SLCO3A1: variants seen among roughly 807,000 people sequenced by gnomAD.
SLCO3A1 encodes PGE1 transporter.
SLCO3A1 carries 27 observed loss-of-function variants against 63.1 expected under a neutral mutation model. The observed-to-expected ratio is 0.43, with a 90% CI of 0.32 to 0.59. The LOEUF (loss-of-function observed/expected upper bound fraction) is 0.59, where lower values mean the gene tolerates loss of function less well. SLCO3A1 is among the 20% of genes least tolerant of loss of function. SLCO3A1 has a pLI of 0.09. For synonymous variants in SLCO3A1, 473 were observed against 409.9 expected, an observed-to-expected ratio of 1.15 and a Z score of -1.86; for missense variants, 773 against 945.8, an observed-to-expected ratio of 0.82 and a Z score of 2.40.
In SLCO3A1 at chr15:91,856,880, C is replaced by A. The variant is rs1436535644; in HGVS notation, c.180+2792C>A. Among the ~76,000 whole-genome samples, 1 of 152,090 alleles carries A rather than the reference C, an allele frequency of 6.6e-6. No individual in the cohort carries two copies. The highest frequency in any genetic ancestry group is 1.5e-5 in the Non-Finnish European group (1 of 68,028). ...CCTTCTTATTTCATCTCCCCAGGTG[C>A]CTTAAAATATTGCAGTTTCATTTCC... On this transcript the variant is annotated intron_variant, in intron 1 of 9. Coordinates refer to ENST00000318445, the MANE Select transcript of SLCO3A1 (RefSeq NM_013272.4). This position sits in a 1 kb window ranked among gnomAD's most constrained non-coding sequence, Gnocchi z 4.9.
chr15:92,025,507 C>G (rs563413809), intron 2 of SLCO3A1, among the ~76,000 whole-genome samples: 354 of 152,322 alleles, frequency 2.3e-3, no homozygotes, highest in Middle Eastern at 0.01. Context: ...GGCTAGCAAA[C>G]ATATCAGTGG....
At chr15:91,993,173 C>T (rs990253018) in intron 2 of SLCO3A1, among the ~76,000 whole-genome samples, 1 of 152,186 alleles carries the variant, frequency 6.6e-6, no homozygotes, top group Non-Finnish European at 1.5e-5. Context: ...AAGGAGCTTG[C>T]CCACAATTGT....
At chr15:91,926,691 G>A (rs1279230827) in intron 2 of SLCO3A1, among the ~76,000 whole-genome samples, 2 of 151,940 alleles carry the variant, frequency 1.3e-5, no homozygotes, top group African/African-American at 2.4e-5. Flanking sequence ...CATCAAAATC[G>A]AGATGTATTT....
intron 6 of SLCO3A1, among the ~76,000 whole-genome samples, chr15:92,127,886 A>G (rs1048562127): frequency 2.2e-4 from 34 of 152,138 alleles, no homozygotes; most frequent in African/African-American, 8.2e-4. Context: ...CAGCCCAAAG[A>G]GGGAAGAAGT....
chr15:91,853,785 C>G lies in SLCO3A1; in HGVS notation c.-124C>G. 1 of 972,910 alleles carries G rather than the reference C, an allele frequency of 1.0e-6. No homozygotes were observed. The highest frequency in any genetic ancestry group is 1.2e-6 in the Non-Finnish European group (1 of 800,864). 60.3% of individuals were successfully genotyped at this position (972,910 alleles called of 1,614,324 possible). A position where few individuals can be genotyped will look rare whatever the true frequency, so the allele number is the denominator to read the frequency against. ...GCCCCGGCAGGACGGGGGCGGCCGC[C>G]GCGAACCCGGGGCGGGGACAGCACG... is the stretch of plus-strand genomic sequence containing the variant. On this transcript the variant is annotated 5_prime_UTR_variant, in exon 1 of 10. Transcript: ENST00000318445.
chr15:92,053,771 T>G (rs1032796836), intron 2 of SLCO3A1, among the ~76,000 whole-genome samples: 19 of 151,796 alleles, frequency 1.3e-4, no homozygotes, highest in African/African-American at 4.6e-4. Context: ...AGGTAAATTG[T>G]CATTCTCATC....
At chr15:92,084,701 C>T (rs2047384888) in intron 2 of SLCO3A1, among the ~76,000 whole-genome samples, 1 of 152,244 alleles carries the variant, frequency 6.6e-6, no homozygotes, top group Non-Finnish European at 1.5e-5. Context: ...CAGATGCCTG[C>T]AGCTCCTCGG....
At chr15:92,062,440 A>C (rs1256024101) in intron 2 of SLCO3A1, among the ~76,000 whole-genome samples, 1 of 152,132 alleles carries the variant, frequency 6.6e-6, no homozygotes. Context: ...CCATGTGGGA[A>C]GTGTGAATTG....
At chr15:92,117,501 T>C (rs1426551268) in intron 4 of SLCO3A1, among the ~76,000 whole-genome samples, 1 of 152,222 alleles carries the variant, frequency 6.6e-6, no homozygotes, top group Non-Finnish European at 1.5e-5. Flanking sequence ...TTTCCAGAAT[T>C]TAGATATCTT....
intron 2 of SLCO3A1, among the ~76,000 whole-genome samples, chr15:92,049,626 C>G (rs942556479): frequency 6.6e-6 from 1 of 152,158 alleles, no homozygotes; most frequent in Non-Finnish European, 1.5e-5. Context: ...GGAGCTAGAT[C>G]AGCCCCCCAG....
chr15:92,142,178 CT>C (rs2151582061), intron 7 of SLCO3A1, among the ~76,000 whole-genome samples: 1 of 152,358 alleles, frequency 6.6e-6, no homozygotes, highest in East Asian at 1.9e-4. Flanking sequence ...TTTCATTGGT[CT>C]TGTGCCGGTC....
chr15:92,164,974 G>GATTC lies in SLCO3A1; in HGVS notation c.*1839_*1840insATTC. 2.0e-6 allele frequency: 2 copies of GATTC among 985,140 alleles called. No homozygotes were observed. The highest frequency in any genetic ancestry group is 2.4e-6 in the Non-Finnish European group (2 of 829,900). The allele number at this position is 985,140 out of a possible 1,614,324, so 61.0% of individuals were successfully genotyped here. ...TGGAAAAAAAACTCAAAGGTTGATT[G>GATTC]GTTTGCTTTTTCACCTTGGACACAT... On this transcript the variant is annotated 3_prime_UTR_variant, in exon 10 of 10. Coordinates refer to ENST00000318445, the MANE Select transcript of SLCO3A1 (RefSeq NM_013272.4).
chr15:91,924,439 G>T (rs1898946775), intron 2 of SLCO3A1, among the ~76,000 whole-genome samples: 1 of 152,174 alleles, frequency 6.6e-6, no homozygotes, highest in Non-Finnish European at 1.5e-5. Flanking sequence ...ACGGTAGCTT[G>T]CCATGGTGGC....
rs1237544738 is a variant in SLCO3A1, at chr15:91,875,965, T to G, written c.180+21877T>G. Reference sequence around the variant, plus strand: ...AAGGTTTGCTACCCCTGCTCTAGAATCTTAAAGAATTCTTAGAGTTGTGGT... The same window carrying G: ...AAGGTTTGCTACCCCTGCTCTAGAAGCTTAAAGAATTCTTAGAGTTGTGGT... On this transcript the variant is annotated intron_variant, in intron 1 of 9. Coordinates refer to ENST00000318445, the MANE Select transcript of SLCO3A1 (RefSeq NM_013272.4). The surrounding 1 kb of genome is among the most constrained non-coding windows in gnomAD (Gnocchi z 4.5). Among the ~76,000 whole-genome samples, 1 of 152,154 alleles carries G rather than the reference T, an allele frequency of 6.6e-6. No individual in the cohort carries two copies. The highest frequency in any genetic ancestry group is 1.9e-4 in the East Asian group (1 of 5,192).
At chr15:92,148,223 A>G (rs962329474) in intron 8 of SLCO3A1, among the ~76,000 whole-genome samples, 14 of 152,196 alleles carry the variant, frequency 9.2e-5, no homozygotes, top group African/African-American at 3.1e-4. Context: ...GAGGGGAGAA[A>G]AGACAGACTT....
intron 2 of SLCO3A1, among the ~76,000 whole-genome samples, chr15:91,927,144 T>C (rs1899058842): frequency 6.6e-6 from 1 of 152,126 alleles, no homozygotes; most frequent in Non-Finnish European, 1.5e-5. Flanking sequence ...TCAGCGGCAT[T>C]GGAGACACCC....
chr15:92,108,020 G>A (rs1052324994), intron 4 of SLCO3A1, among the ~76,000 whole-genome samples: 3 of 152,286 alleles, frequency 2.0e-5, no homozygotes, highest in South Asian at 2.1e-4. Flanking sequence ...TCTGTGGTTC[G>A]ATTTTCAGAA....
chr15:92,090,989 G>T (rs1341822212), intron 2 of SLCO3A1, among the ~76,000 whole-genome samples: 1 of 152,198 alleles, frequency 6.6e-6, no homozygotes, highest in Non-Finnish European at 1.5e-5. Context: ...CTGGGAAGTG[G>T]TAGAGCTGGG....
At chr15:92,117,507 A>G (rs1343423402) in intron 4 of SLCO3A1, among the ~76,000 whole-genome samples, 1 of 152,232 alleles carries the variant, frequency 6.6e-6, no homozygotes, top group Non-Finnish European at 1.5e-5. Context: ...GAATTTAGAT[A>G]TCTTTATTCC....
Sources: allele counts gnomAD v4.1 joint callset (sites outside exome capture counted in the v4.1 genomes callset), GRCh38; gene constraint gnomAD v4.1.1; non-coding constraint Gnocchi (gnomAD v3.1); transcripts MANE v1.5; gene names NCBI Gene and HGNC (gene_info 2026-07-23, HGNC 2026-07-21).